Variants in DLEU7 observed in about 807,000 individuals in gnomAD.
DLEU7 encodes the protein deleted in lymphocytic leukemia 7.
In DLEU7, 17 loss-of-function variants were observed where a neutral mutation model predicts 16.0. The ratio of observed to expected loss-of-function variants is 1.06; its 90% CI spans 0.73 to 1.59. DLEU7 has a LOEUF of 1.59. DLEU7 is among the 40% of genes most tolerant of loss of function. DLEU7 has a pLI of 0.00. For missense variants in DLEU7, 308 were observed against 314.9 expected (o/e 0.98, Z 0.17); for synonymous variants, 113 against 139.8 (o/e 0.81, Z 1.35).
Position 50,758,344 on chromosome 13 carries a change from A to T in DLEU7, c.460-45104T>A, listed in dbSNP as rs553959077. Among the ~76,000 whole-genome samples the T allele has an allele frequency of 1.2e-4, 18 of 152,314 alleles. No individual in the cohort carries two copies. The South Asian group carries it at 3.5e-3, about 30-fold the overall frequency. On this transcript the variant is annotated intron_variant, in intron 1 of 1. Transcript: ENST00000400393. ...CATTGATCAAAGTGAGAAGATAACC[A>T]GTTAATTAAGGTTTCTTTTGTCCTT...
chr13:50,750,745 G>A (rs139273588), intron 1 of DLEU7, among the ~76,000 whole-genome samples: 38 of 152,160 alleles, frequency 2.5e-4, no homozygotes, highest in African/African-American at 8.4e-4. Flanking sequence ...TCTCTTCTTG[G>A]TAACTGTGGT....
At chr13:50,836,541 G>A (rs1462399050) in intron 1 of DLEU7, among the ~76,000 whole-genome samples, 5 of 152,060 alleles carry the variant, frequency 3.3e-5, no homozygotes, top group Non-Finnish European at 7.4e-5. Flanking sequence ...AGGCGTGGTG[G>A]CAGGCGCCTG....
intron 1 of DLEU7, among the ~76,000 whole-genome samples, chr13:50,735,499 A>C (rs574565107): frequency 4.2e-4 from 64 of 152,256 alleles, no homozygotes; most frequent in Non-Finnish European, 6.0e-4. Context: ...AAAACCCCCA[A>C]ATATTTGGAA....
intron 1 of DLEU7, among the ~76,000 whole-genome samples, chr13:50,773,121 T>C (rs553320351): frequency 6.6e-6 from 1 of 152,296 alleles, no homozygotes; most frequent in East Asian, 1.9e-4. Flanking sequence ...CTCCATCAGG[T>C]CATTTAAGGT....
chr13:50,790,670 G>A lies in DLEU7; in HGVS notation c.459+52518C>T, dbSNP rs143013776. ...GGGATGCGAGGGGTGTGGGGTGGGCGGACAACGTGCTGGCTGGGGTAGGAA... is the reference window on the plus strand; with the variant it reads ...GGGATGCGAGGGGTGTGGGGTGGGCAGACAACGTGCTGGCTGGGGTAGGAA... On this transcript the variant is annotated intron_variant, in intron 1 of 1. Transcript: ENST00000400393. 5.3e-3 allele frequency among the ~76,000 whole-genome samples: 805 copies of A among 152,112 alleles called. 6 individuals carry two copies. The highest frequency in any genetic ancestry group is 0.018 in the African/African-American group (746 of 41,508).
In DLEU7 at chr13:50,805,466, T is replaced by G. The variant is rs73497518; in HGVS notation, c.459+37722A>C. 3.1e-3 allele frequency among the ~76,000 whole-genome samples: 469 copies of G among 152,340 alleles called. 3 individuals are homozygous for G. The highest frequency in any genetic ancestry group is 0.01 in the African/African-American group (433 of 41,592). ...TTTAATAATGCTTTATATTCATAAT[T>G]TTTGTGTAATAATCCTAACAGTTAT... On this transcript the variant is annotated intron_variant, in intron 1 of 1. Transcript: ENST00000400393.
In DLEU7 at chr13:50,843,121, C is replaced by G. The variant is rs937650972; in HGVS notation, c.459+67G>C. 6 of 1,438,756 alleles carry G rather than the reference C, an allele frequency of 4.2e-6. No homozygotes were observed. The African/African-American group carries it at 7.5e-5, about 18-fold the overall frequency. The allele number at this position is 1,438,756 out of a possible 1,614,324, so 89.1% of individuals were successfully genotyped here. A position where few individuals can be genotyped will look rare whatever the true frequency, so the allele number is the denominator to read the frequency against. On this transcript the variant is annotated intron_variant, in intron 1 of 1. Transcript: ENST00000504404. The surrounding 1 kb of genome is among the most constrained non-coding windows in gnomAD (Gnocchi z 5.7). ...TGCGATCCACCCATCGCCATCCCAG[C>G]AGCCCCACCCTTGGAGGATGGGAGG...
intron 1 of DLEU7, among the ~76,000 whole-genome samples, chr13:50,785,038 T>C (rs1327640563): frequency 2.0e-5 from 3 of 152,154 alleles, no homozygotes; most frequent in African/African-American, 7.2e-5. Context: ...TCATGCCCTA[T>C]GGAAGTGCCA....
At chr13:50,736,303 A>G (rs2137721072) in intron 1 of DLEU7, among the ~76,000 whole-genome samples, 1 of 152,274 alleles carries the variant, frequency 6.6e-6, no homozygotes, top group South Asian at 2.1e-4. Context: ...CTAAATAATG[A>G]GAACACATGG....
intron 1 of DLEU7, among the ~76,000 whole-genome samples, chr13:50,725,543 T>C (rs1020520602): frequency 6.6e-6 from 1 of 152,180 alleles, no homozygotes; most frequent in African/African-American, 2.4e-5. Context: ...TCTATGAGAT[T>C]ACAAAGGAAT....
At chr13:50,789,436 A>C (rs594252) in intron 1 of DLEU7, among the ~76,000 whole-genome samples, 19 of 144,418 alleles carry the variant, frequency 1.3e-4, no homozygotes, top group African/African-American at 4.7e-4. Context: ...ACTAAGCCCC[A>C]TAAAATCTTC....
chr13:50,788,016 C>G (rs1320255556), intron 1 of DLEU7, among the ~76,000 whole-genome samples: 1 of 152,164 alleles, frequency 6.6e-6, no homozygotes, highest in East Asian at 1.9e-4. Flanking sequence ...CAGCTCTGTT[C>G]GTGGCACAGC....
chr13:50,766,451 G>T (rs1428805734), intron 1 of DLEU7, among the ~76,000 whole-genome samples: 1 of 148,312 alleles, frequency 6.7e-6, no homozygotes, highest in African/African-American at 2.5e-5. Context: ...GAGAATAAAT[G>T]GTCTCTTTCC....
In DLEU7 at chr13:50,838,827, C is replaced by T. The variant is rs1186122708; in HGVS notation, c.459+4361G>A. Among the ~76,000 whole-genome samples the T allele has an allele frequency of 2.0e-5, 3 of 152,268 alleles. No homozygotes were observed. In the East Asian group the frequency reaches 5.8e-4, roughly 29 times the overall value. Reference sequence around the variant, plus strand: ...ACTGGTGTTGTTATAAGAAGAGACACCAAAGACATGCAAAGCTTTCTCTCT... The same window carrying T: ...ACTGGTGTTGTTATAAGAAGAGACATCAAAGACATGCAAAGCTTTCTCTCT... On this transcript the variant is annotated intron_variant, in intron 1 of 1. Coordinates refer to ENST00000504404, the MANE Select transcript of DLEU7 (RefSeq NM_001306135.2).
At chr13:50,832,848 G>A (rs904949929) in intron 1 of DLEU7, among the ~76,000 whole-genome samples, 6 of 152,162 alleles carry the variant, frequency 3.9e-5, no homozygotes, top group African/African-American at 1.4e-4. Flanking sequence ...CTGAGAGACT[G>A]TTTGTATGAT....
intron 1 of DLEU7, among the ~76,000 whole-genome samples, chr13:50,779,490 G>A (rs541362537): frequency 1.3e-5 from 2 of 152,264 alleles, no homozygotes; most frequent in South Asian, 4.1e-4. Context: ...ATTGCATTGT[G>A]GTACATCTGT....
At chr13:50,783,559 T>C (rs1269850477) in intron 1 of DLEU7, among the ~76,000 whole-genome samples, 2 of 152,062 alleles carry the variant, frequency 1.3e-5, no homozygotes, top group Non-Finnish European at 2.9e-5. Flanking sequence ...CCCTCCCTAG[T>C]ATGGGGAGGG....
chr13:50,767,931 T>C (rs1186224772), intron 1 of DLEU7, among the ~76,000 whole-genome samples: 11 of 152,240 alleles, frequency 7.2e-5, no homozygotes, highest in Non-Finnish European at 1.5e-4. Context: ...ATGTCAGCAG[T>C]CCCACGGGAC....
intron 1 of DLEU7, among the ~76,000 whole-genome samples, chr13:50,762,609 A>G (rs1874970728): frequency 6.6e-6 from 1 of 152,160 alleles, no homozygotes; most frequent in African/African-American, 2.4e-5. Flanking sequence ...ATGGGTGTCA[A>G]CACATTAAAT....
Sources: allele counts gnomAD v4.1 joint callset (sites outside exome capture counted in the v4.1 genomes callset), GRCh38; gene constraint gnomAD v4.1.1; non-coding constraint Gnocchi (gnomAD v3.1); transcripts MANE v1.5; gene names NCBI Gene and HGNC (gene_info 2026-07-23, HGNC 2026-07-21).